ZNF253: variants seen among roughly 807,000 people sequenced by gnomAD.
ZNF253 encodes DNA-binding protein.
Under a neutral mutation model 11.9 loss-of-function variants are expected in ZNF253, and 8 were observed. That is an observed-to-expected ratio of 0.67 (90% CI 0.40 to 1.22). The LOEUF (loss-of-function observed/expected upper bound fraction) is 1.22. ZNF253 is among the 50% of genes most tolerant of loss of function. The pLI is 0.01. For synonymous variants in ZNF253, 194 were observed against 194.9 expected (o/e 1.00, Z 0.04); for missense variants, 485 against 586.9 (o/e 0.83, Z 1.79).
intron 2 of ZNF253, among the ~76,000 whole-genome samples, chr19:19,879,646 A>G (rs2063169163): frequency 6.6e-6 from 1 of 152,232 alleles, no homozygotes; most frequent in Non-Finnish European, 1.5e-5. Flanking sequence ...AGTCACAAAT[A>G]ACGCCCAATA....
At chr19:19,881,447 G>A (rs577581646) in intron 3 of ZNF253, among the ~76,000 whole-genome samples, 1 of 151,850 alleles carries the variant, frequency 6.6e-6, no homozygotes, top group African/African-American at 2.4e-5. Flanking sequence ...TCAGGAGTTC[G>A]AGACCAGCCT....
intron 1 of ZNF253, among the ~76,000 whole-genome samples, chr19:19,866,501 G>T (rs2063111554): frequency 6.9e-6 from 1 of 144,506 alleles, no homozygotes; most frequent in African/African-American, 2.6e-5. Context: ...AGGAAGGAAG[G>T]TTTTTTTTTT....
intron 1 of ZNF253, among the ~76,000 whole-genome samples, chr19:19,867,661 A>T (rs1020937638): frequency 6.6e-6 from 1 of 152,244 alleles, no homozygotes; most frequent in Non-Finnish European, 1.5e-5. Flanking sequence ...GAGCCACCGC[A>T]TCTGACCATA....
At chr19:19,872,964 AC>A (rs1360219832) in intron 1 of ZNF253, among the ~76,000 whole-genome samples, 2 of 152,078 alleles carry the variant, frequency 1.3e-5, no homozygotes, top group African/African-American at 4.8e-5. Flanking sequence ...GGCCTCTACC[AC>A]AGATTTACAA....
chr19:19,872,587 A>ATATATATATTATATATATATATATATTAT (rs1555777042), intron 1 of ZNF253, among the ~76,000 whole-genome samples: 2 of 130,712 alleles, frequency 1.5e-5, no homozygotes, highest in Admixed American at 1.5e-4. Flanking sequence ...ATATTATTAT[A>ATATATATATTATATATATATATATATTAT]TATATATATA....
chr19:19,868,303 T>G (rs2063119621), intron 1 of ZNF253, among the ~76,000 whole-genome samples: 1 of 152,130 alleles, frequency 6.6e-6, no homozygotes. Context: ...CTAGGTTATC[T>G]TGCAAGGTTT....
intron 1 of ZNF253, among the ~76,000 whole-genome samples, chr19:19,869,660 C>CTTTTT (rs35926309): frequency 9.7e-6 from 1 of 103,308 alleles, no homozygotes; most frequent in Non-Finnish European, 1.9e-5. Flanking sequence ...CATGCCTGGC[C>CTTTTT]TTTTTTTTTT....
intron 3 of ZNF253, among the ~76,000 whole-genome samples, chr19:19,885,298 TTTTCTTTCTTTC>T (rs1555777998): frequency 0.01 from 377 of 37,486 alleles, 27 homozygotes; most frequent in East Asian, 0.037. Flanking sequence ...TTTCTCTTTC[TTTTCTTTCTTTC>T]TTTCTTTCTT....
intron 1 of ZNF253, among the ~76,000 whole-genome samples, chr19:19,876,182 AG>A (rs1555777306): frequency 2.0e-5 from 3 of 148,096 alleles, no homozygotes; most frequent in Non-Finnish European, 4.5e-5. Context: ...GCCCAGGGGG[AG>A]CAACATCAGC....
chr19:19,867,659 G>T (rs1389634590), intron 1 of ZNF253, among the ~76,000 whole-genome samples: 1 of 152,184 alleles, frequency 6.6e-6, no homozygotes, highest in African/African-American at 2.4e-5. Flanking sequence ...ATGAGCCACC[G>T]CATCTGACCA....
intron 1 of ZNF253, among the ~76,000 whole-genome samples, chr19:19,870,322 GC>G (rs149647226): frequency 0.017 from 2,638 of 151,222 alleles, 33 homozygotes; most frequent in Middle Eastern, 0.055. Flanking sequence ...TTCCTGGGAG[GC>G]AGAAGTTGCA....
At chr19:19,874,932 C>T (rs1415036283) in intron 1 of ZNF253, among the ~76,000 whole-genome samples, 1 of 152,010 alleles carries the variant, frequency 6.6e-6, no homozygotes, top group Non-Finnish European at 1.5e-5. Flanking sequence ...AAACAAATTA[C>T]AGAAACTCTG....
rs1555777030 is a variant in ZNF253, at chr19:19,872,580, T to TATA, written c.4-5901_4-5900insATA. On this transcript the variant is annotated intron_variant, in intron 1 of 3. Coordinates refer to ENST00000589717, the MANE Select transcript of ZNF253 (RefSeq NM_021047.3). ...CCATAACTATATATATATATATATATTATTATATATATATATATATAATCA... is the reference window on the plus strand; with the variant it reads ...CCATAACTATATATATATATATATATATATATTATATATATATATATATAATCA... Among the ~76,000 whole-genome samples, 141 of 108,394 alleles carry TATA rather than the reference T, an allele frequency of 1.3e-3. 3 individuals are homozygous for TATA. Among genetic ancestry groups the TATA allele is most frequent in the East Asian group, 9.8e-3 (37 of 3,770 alleles). The allele number at this position is 108,394 out of a possible 152,430, so 71.1% of individuals were successfully genotyped here.
Position 19,865,888 on chromosome 19 carries a change from C to G in ZNF253, c.-109C>G. ...GCTGCAGCGGGAGCTCCAGGTTTAT[C>G]CTCAGTGTTCTGTGTCCTGTGCTTA... On this transcript the variant is annotated 5_prime_UTR_variant, in exon 1 of 4. In the 5' UTR this introduces an upstream ATG that the reference lacks. Transcript: ENST00000589717. 1 of 1,398,386 alleles carries G rather than the reference C, an allele frequency of 7.2e-7. No individual in the cohort carries two copies. 86.6% of individuals were successfully genotyped at this position (1,398,386 alleles called of 1,614,324 possible).
chr19:19,877,681 G>A (rs1400813728), intron 1 of ZNF253, among the ~76,000 whole-genome samples: 1 of 152,132 alleles, frequency 6.6e-6, no homozygotes, highest in Admixed American at 6.6e-5. Context: ...GGCCGATGCT[G>A]TGTTCTTCTG....
In ZNF253 at chr19:19,872,296, C is replaced by T. The variant is rs191181662; in HGVS notation, c.4-6185C>T. Among the ~76,000 whole-genome samples the T allele has an allele frequency of 1.8e-3, 279 of 152,134 alleles. 3 individuals are homozygous for T. Among genetic ancestry groups the T allele is most frequent in the Admixed American group, 6.7e-3 (102 of 15,288 alleles). ...TGTGCAGGTAACACCTGCTGCTACT[C>T]CAGCCATTCAGGTCCTAAATCTGCA... is the stretch of plus-strand genomic sequence containing the variant. On this transcript the variant is annotated intron_variant, in intron 1 of 3. Transcript: ENST00000589717.
intron 3 of ZNF253, among the ~76,000 whole-genome samples, chr19:19,886,392 A>G (rs2063206471): frequency 6.6e-6 from 1 of 152,188 alleles, no homozygotes; most frequent in South Asian, 2.1e-4. Context: ...AGAGTTTTGC[A>G]TGTGTCTGTG....
At chr19:19,870,482 A>C (rs1298033003) in intron 1 of ZNF253, among the ~76,000 whole-genome samples, 5 of 152,082 alleles carry the variant, frequency 3.3e-5, no homozygotes, top group African/African-American at 1.2e-4. Flanking sequence ...AAGAAAATTT[A>C]CTACCAAATT....
chr19:19,873,415 G>T (rs2063142711), intron 1 of ZNF253, among the ~76,000 whole-genome samples: 1 of 152,130 alleles, frequency 6.6e-6, no homozygotes, highest in Non-Finnish European at 1.5e-5. Context: ...TGGGCCATCA[G>T]CCCTGGGACA....
Sources: allele counts gnomAD v4.1 joint callset (sites outside exome capture counted in the v4.1 genomes callset), GRCh38; gene constraint gnomAD v4.1.1; transcripts MANE v1.5; gene names NCBI Gene and HGNC (gene_info 2026-07-23, HGNC 2026-07-21).